Variants in PPP3R1 observed in about 807,000 individuals in gnomAD.
PPP3R1 encodes the protein calcineurin subunit B type 1.
In PPP3R1, 5 loss-of-function variants were observed where a neutral mutation model predicts 22.6. That is an observed-to-expected ratio of 0.22 (90% CI 0.12 to 0.46). The LOEUF is 0.46. Ranked by LOEUF, PPP3R1 falls within the 20% of genes least tolerant of loss-of-function variation. The probability of loss-of-function intolerance (pLI) is 0.99; values close to 1 mark genes in which losing one functional copy is unlikely to be tolerated. For missense variants in PPP3R1, 61 were observed against 203.2 expected (o/e 0.30, Z 4.25); for synonymous variants, 56 against 65.2 (o/e 0.86, Z 0.68).
In PPP3R1 at chr2:68,180,833, T is replaced by C. The variant is rs1045081449; in HGVS notation, c.*130A>G. The C allele has an allele frequency of 4.4e-6, 4 of 913,940 alleles. No homozygotes were observed. Among genetic ancestry groups the C allele is most frequent in the African/African-American group, 3.3e-5 (2 of 59,814 alleles). 56.6% of individuals were successfully genotyped at this position (913,940 alleles called of 1,614,324 possible). A position where few individuals can be genotyped will look rare whatever the true frequency, so the allele number is the denominator to read the frequency against. Reference sequence around the variant, plus strand: ...CTTAGTTGGCTTCATGAGGCTCATGTTGGAAAATGTGGCTTCACAGAGAAA... The same window carrying C: ...CTTAGTTGGCTTCATGAGGCTCATGCTGGAAAATGTGGCTTCACAGAGAAA... On this transcript the variant is annotated 3_prime_UTR_variant, in exon 6 of 6. Coordinates refer to ENST00000234310, the MANE Select transcript of PPP3R1 (RefSeq NM_000945.4).
chr2:68,221,917 A>G (rs1454065453), intron 1 of PPP3R1, among the ~76,000 whole-genome samples: 1 of 152,052 alleles, frequency 6.6e-6, no homozygotes, highest in East Asian at 1.9e-4. Context: ...CTTTTTCCAG[A>G]TAACAAAAAC....
chr2:68,192,011 A>G lies in PPP3R1; in HGVS notation c.44-3321T>C, dbSNP rs191051616. On this transcript the variant is annotated intron_variant, in intron 2 of 5. Transcript: ENST00000234310. ...TTCATTGGTGCTCTGAGCATCACAT[A>G]TAACAGGTGCTTAATTATGGTTTTA... 1.1e-3 allele frequency among the ~76,000 whole-genome samples: 161 copies of G among 152,284 alleles called. 1 individual carries two copies. Among genetic ancestry groups the G allele is most frequent in the African/African-American group, 3.7e-3 (155 of 41,566 alleles).
At chr2:68,185,964 A>G (rs530906362) in intron 5 of PPP3R1, among the ~76,000 whole-genome samples, 50 of 152,308 alleles carry the variant, frequency 3.3e-4, no homozygotes, top group African/African-American at 9.9e-4. Flanking sequence ...GTTTTTCCTT[A>G]TATGATTTAC....
chr2:68,238,768 G>A (rs945389916), intron 1 of PPP3R1, among the ~76,000 whole-genome samples: 1 of 152,136 alleles, frequency 6.6e-6, no homozygotes, highest in Non-Finnish European at 1.5e-5. Flanking sequence ...GGATGAAGAA[G>A]TAGCAGATTC....
At chr2:68,187,166 T>C in intron 4 of PPP3R1, 89 bp downstream of exon 4, 2 of 1,090,240 alleles carry the variant, frequency 1.8e-6, no homozygotes, top group Non-Finnish European at 2.6e-6. Flanking sequence ...ATAAAAGACA[T>C]CTTTTTCATT....
At chr2:68,181,918 CTG>C (rs1206666307) in intron 5 of PPP3R1, among the ~76,000 whole-genome samples, 3 of 152,166 alleles carry the variant, frequency 2.0e-5, no homozygotes, top group South Asian at 2.1e-4. Context: ...AGTGTAGTAT[CTG>C]TATCATTTGG....
chr2:68,250,947 G>A (rs1476626911), intron 1 of PPP3R1: 1 of 152,170 alleles, frequency 6.6e-6, no homozygotes, highest in African/African-American at 2.4e-5. Flanking sequence ...TCTACATACA[G>A]GGTGGGATAC....
At chr2:68,233,829 A>G (rs1012046646) in intron 1 of PPP3R1, among the ~76,000 whole-genome samples, 2 of 152,162 alleles carry the variant, frequency 1.3e-5, no homozygotes, top group Admixed American at 1.3e-4. Context: ...AAGTTTCAAA[A>G]TTTTTTTTGT....
chr2:68,237,498 CA>C (rs536467935), intron 1 of PPP3R1, among the ~76,000 whole-genome samples: 26 of 151,926 alleles, frequency 1.7e-4, no homozygotes, highest in African/African-American at 4.6e-4. Flanking sequence ...ATGTAATCAA[CA>C]AAAAAATTAT....
At chr2:68,217,170 C>A in intron 1 of PPP3R1, 39 bp from the exon 2 acceptor site, 1 of 1,457,056 alleles carries the variant, frequency 6.9e-7, no homozygotes, top group Non-Finnish European at 9.4e-7. Flanking sequence ...ATAAAATAGG[C>A]ACAAATTTGT....
Position 68,179,009 on chromosome 2 carries a change from A to AAAAAAAAAG in PPP3R1, c.*1953_*1954insCTTTTTTTT, listed in dbSNP as rs1553403013. On this transcript the variant is annotated 3_prime_UTR_variant, in exon 6 of 6. Transcript: ENST00000234310. ...CACACACAAACTAAAAAAAAAAAAAAAAAAAAAGAAAAAGAAAAAACCCTC... is the reference window on the plus strand; with the variant it reads ...CACACACAAACTAAAAAAAAAAAAAAAAAAAAAAGAAAAAAAGAAAAAGAAAAAACCCTC... 3.3e-5 allele frequency: 4 copies of AAAAAAAAAG among 122,530 alleles called. No individual in the cohort carries two copies. The highest frequency in any genetic ancestry group is 2.4e-4 in the East Asian group (1 of 4,174). 7.6% of individuals were successfully genotyped at this position (122,530 alleles called of 1,614,324 possible).
chr2:68,252,274 C>T lies in PPP3R1; in HGVS notation c.-147G>A. On this transcript the variant is annotated 5_prime_UTR_variant, in exon 1 of 6. Transcript: ENST00000234310. ...GGCGCGCGTGGGGGAGGGGAGGCGG[C>T]GCCGCGGGGCCCGCGCCGGCCGGGC... The T allele has an allele frequency of 3.8e-6, 4 of 1,043,518 alleles. No homozygotes were observed. Among genetic ancestry groups the T allele is most frequent in the South Asian group, 4.4e-5 (1 of 22,588 alleles). 64.6% of individuals were successfully genotyped at this position (1,043,518 alleles called of 1,614,324 possible). A position where few individuals can be genotyped will look rare whatever the true frequency, so the allele number is the denominator to read the frequency against.
chr2:68,211,671 T>C (rs1231461331), intron 2 of PPP3R1, among the ~76,000 whole-genome samples: 1 of 152,226 alleles, frequency 6.6e-6, no homozygotes, highest in Non-Finnish European at 1.5e-5. Flanking sequence ...CTTTCAAAAC[T>C]GGAGTCAATC....
intron 1 of PPP3R1, among the ~76,000 whole-genome samples, chr2:68,249,812 T>C (rs1670308108): frequency 6.6e-6 from 1 of 152,204 alleles, no homozygotes; most frequent in South Asian, 2.1e-4. Flanking sequence ...ATTTAAATCT[T>C]ATAAGCCTTT....
chr2:68,229,924 A>ATG (rs1327632883), intron 1 of PPP3R1, among the ~76,000 whole-genome samples: 2 of 150,132 alleles, frequency 1.3e-5, no homozygotes, highest in African/African-American at 5.0e-5. Context: ...ATGTGTATAT[A>ATG]TATGTGTGTG....
intron 2 of PPP3R1, among the ~76,000 whole-genome samples, chr2:68,193,875 C>A (rs913270693): frequency 2.0e-5 from 3 of 152,072 alleles, no homozygotes; most frequent in African/African-American, 7.2e-5. Context: ...AGAACAAATT[C>A]TAACTTTTGG....
At chr2:68,183,714 G>T (rs753072637) in intron 5 of PPP3R1, among the ~76,000 whole-genome samples, 2 of 152,004 alleles carry the variant, frequency 1.3e-5, no homozygotes, top group Non-Finnish European at 2.9e-5. Context: ...AATTTTTACT[G>T]GTCTTGTCTA....
chr2:68,196,996 A>T (rs555676650), intron 2 of PPP3R1, among the ~76,000 whole-genome samples: 1 of 152,374 alleles, frequency 6.6e-6, no homozygotes, highest in South Asian at 2.1e-4. Context: ...AAGTGCTGGA[A>T]TTACAGGTGT....
chr2:68,192,905 C>T (rs574037081), intron 2 of PPP3R1, among the ~76,000 whole-genome samples: 1 of 152,202 alleles, frequency 6.6e-6, no homozygotes, highest in South Asian at 2.1e-4. Context: ...AGATTTTATA[C>T]CTCCATTTCC....
Sources: allele counts gnomAD v4.1 joint callset (sites outside exome capture counted in the v4.1 genomes callset), GRCh38; gene constraint gnomAD v4.1.1; transcripts MANE v1.5; gene names NCBI Gene and HGNC (gene_info 2026-07-23, HGNC 2026-07-21).